TESK2: variants seen among roughly 807,000 people sequenced by gnomAD.
TESK2 encodes the protein dual specificity testis-specific protein kinase 2.
In TESK2, 39 loss-of-function variants were observed where a neutral mutation model predicts 57.1. The ratio of observed to expected loss-of-function variants is 0.68; its 90% CI spans 0.53 to 0.89. TESK2 has a LOEUF of 0.89. Ranked by LOEUF, TESK2 falls within the 40% of genes least tolerant of loss-of-function variation. TESK2 has a pLI of 0.00. For missense variants in TESK2, 646 were observed against 732.1 expected (o/e 0.88, Z 1.36); for synonymous variants, 249 against 267.9 (o/e 0.93, Z 0.69).
chr1:45,410,913 T>C (rs1329424486), intron 3 of TESK2, among the ~76,000 whole-genome samples: 4 of 152,190 alleles, frequency 2.6e-5, no homozygotes, highest in African/African-American at 9.7e-5. Context: ...TCTTTGGTCA[T>C]TCCTGGGCAT....
At chr1:45,426,356 A>C (rs1650688910) in intron 2 of TESK2, among the ~76,000 whole-genome samples, 1 of 152,206 alleles carries the variant, frequency 6.6e-6, no homozygotes, top group Admixed American at 6.6e-5. Context: ...CATTGGGGAA[A>C]GGACAGTCTC....
At chr1:45,418,613 A>G (rs929901016) in intron 3 of TESK2, among the ~76,000 whole-genome samples, 2 of 152,216 alleles carry the variant, frequency 1.3e-5, no homozygotes, top group Non-Finnish European at 2.9e-5. Context: ...CTTGGCCTCA[A>G]TGGAGAGTGA....
At position 45,436,786 on chromosome 1, in the gene TESK2, C is replaced by A. The variant is rs370193245; in HGVS notation, c.223-14940G>T. On this transcript the variant is annotated intron_variant, in intron 2 of 10. Transcript: ENST00000372086. ...TACAGGCATGAGCCACTGTGCCCAG[C>A]CAACATTAGTATCTTTTTTTTTTTT... is the stretch of plus-strand genomic sequence containing the variant. Among the ~76,000 whole-genome samples the A allele has an allele frequency of 4.2e-4, 62 of 148,976 alleles. 1 individual carries two copies. The East Asian group carries it at 5.9e-3, about 14-fold the overall frequency.
intron 3 of TESK2, among the ~76,000 whole-genome samples, chr1:45,407,540 A>G (rs891823792): frequency 6.6e-6 from 1 of 152,054 alleles, no homozygotes; most frequent in African/African-American, 2.4e-5. Context: ...TAGCTCCCAT[A>G]ATTCCCATTT....
intron 2 of TESK2, among the ~76,000 whole-genome samples, chr1:45,439,029 G>A (rs932462990): frequency 2.0e-5 from 3 of 152,092 alleles, no homozygotes; most frequent in Admixed American, 2.0e-4. Context: ...CACCGTAGAA[G>A]CACCAGCATT....
chr1:45,373,535 T>C (rs550397250), intron 4 of TESK2, among the ~76,000 whole-genome samples: 47 of 152,334 alleles, frequency 3.1e-4, no homozygotes, highest in African/African-American at 9.9e-4. Flanking sequence ...TTCTCATTTT[T>C]TGAAGTTCAC....
chr1:45,395,187 G>A (rs1649310000), intron 3 of TESK2, among the ~76,000 whole-genome samples: 1 of 152,042 alleles, frequency 6.6e-6, no homozygotes, highest in African/African-American at 2.4e-5. Context: ...TTAACGATGG[G>A]GATACATTCT....
chr1:45,355,806 A>G (rs7519633), intron 4 of TESK2, among the ~76,000 whole-genome samples: 10,464 of 152,272 alleles, frequency 0.069, 1,248 homozygotes, highest in African/African-American at 0.24. Context: ...CTGGAGTAGC[A>G]GGAAAGTAGC....
intron 4 of TESK2, among the ~76,000 whole-genome samples, chr1:45,373,064 G>A (rs967125718): frequency 3.3e-5 from 5 of 151,372 alleles, no homozygotes; most frequent in Non-Finnish European, 7.4e-5. Context: ...AAAAAGGTCT[G>A]GAGATCTGTT....
chr1:45,442,861 C>T (rs1570735739), intron 2 of TESK2, among the ~76,000 whole-genome samples: 2 of 152,324 alleles, frequency 1.3e-5, no homozygotes, highest in East Asian at 3.9e-4. Flanking sequence ...TCTCGGCTTA[C>T]TGCAACCTCC....
At position 45,430,274 on chromosome 1, in the gene TESK2, G is replaced by C. The variant is rs916944287; in HGVS notation, c.223-8428C>G. Among the ~76,000 whole-genome samples the C allele has an allele frequency of 5.9e-5, 9 of 152,100 alleles. No homozygotes were observed. The East Asian group carries it at 1.2e-3, about 20-fold the overall frequency. ...GAAGGCTGAGGCAGGTAGGCTGCTTGAGCCCAGGAGTTCGAGATAGCCTGG... is the reference window on the plus strand; with the variant it reads ...GAAGGCTGAGGCAGGTAGGCTGCTTCAGCCCAGGAGTTCGAGATAGCCTGG... On this transcript the variant is annotated intron_variant, in intron 2 of 10. Transcript: ENST00000372086.
intron 1 of TESK2, among the ~76,000 whole-genome samples, chr1:45,482,967 C>T (rs956719773): frequency 1.8e-5 from 2 of 108,842 alleles, no homozygotes; most frequent in Admixed American, 1.0e-4. Flanking sequence ...GTGACAAGAA[C>T]AAAACTCCAA....
intron 3 of TESK2, among the ~76,000 whole-genome samples, chr1:45,392,366 A>G (rs1239139221): frequency 6.6e-6 from 1 of 152,064 alleles, no homozygotes; most frequent in African/African-American, 2.4e-5. Flanking sequence ...TAGCCTCCCA[A>G]AGTGCTGGGA....
chr1:45,388,142 T>C (rs1487818310), intron 3 of TESK2, among the ~76,000 whole-genome samples: 1 of 152,230 alleles, frequency 6.6e-6, no homozygotes, highest in Admixed American at 6.5e-5. Flanking sequence ...CAATTATTTA[T>C]TGAATGGCTG....
chr1:45,483,441 CA>C (rs1278196522), intron 1 of TESK2, among the ~76,000 whole-genome samples: 11 of 151,202 alleles, frequency 7.3e-5, no homozygotes, highest in Admixed American at 3.9e-4. Flanking sequence ...ACTAAAAATA[CA>C]AAAAAATTAG....
chr1:45,401,024 T>C (rs1171141914), intron 3 of TESK2, among the ~76,000 whole-genome samples: 1 of 77,916 alleles, frequency 1.3e-5, no homozygotes, highest in East Asian at 3.3e-4. Flanking sequence ...AGACTCTGTC[T>C]TAAAAAAAAA....
At chr1:45,482,402 C>A (rs1653262969) in intron 1 of TESK2, among the ~76,000 whole-genome samples, 1 of 151,952 alleles carries the variant, frequency 6.6e-6, no homozygotes. Context: ...GTGGCACACA[C>A]CTGTAGTCCC....
intron 1 of TESK2, among the ~76,000 whole-genome samples, chr1:45,462,073 C>T (rs971451331): frequency 4.6e-5 from 7 of 152,074 alleles, no homozygotes; most frequent in African/African-American, 1.7e-4. Flanking sequence ...TCCCATTTCC[C>T]ACTCAACACC....
intron 1 of TESK2, among the ~76,000 whole-genome samples, chr1:45,475,085 A>AAAAG (rs1557588075): frequency 6.8e-6 from 1 of 146,118 alleles, no homozygotes; most frequent in Non-Finnish European, 1.5e-5. Context: ...AAAAAAAAGA[A>AAAAG]AAGAAAAGAA....
Sources: gnomAD v4.1 joint callset for allele counts (sites outside exome capture counted in the v4.1 genomes callset) on GRCh38, gnomAD v4.1.1 for gene constraint, MANE v1.5 for transcripts, NCBI Gene and HGNC (gene_info 2026-07-23, HGNC 2026-07-21) for gene names.